Variants in CDH18 observed in about 807,000 individuals in gnomAD.
The protein encoded by CDH18 is cadherin-18.
CDH18 carries 31 observed loss-of-function variants against 67.9 expected under a neutral mutation model. The observed-to-expected ratio is 0.46, with a 90% confidence interval of 0.34 to 0.62. The LOEUF is 0.62. Ranked by LOEUF, CDH18 falls within the 20% of genes least tolerant of loss-of-function variation. CDH18 has a pLI of 0.01. For synonymous variants in CDH18, 362 were observed against 347.2 expected (o/e 1.04, Z -0.48); for missense variants, 890 against 975.5 (o/e 0.91, Z 1.17).
intron 1 of CDH18, among the ~76,000 whole-genome samples, chr5:20,356,749 CTCTCTA>C (rs1175786257): frequency 6.1e-4 from 79 of 129,170 alleles, no homozygotes; most frequent in African/African-American, 1.6e-3. Flanking sequence ...CTCTCTCTCT[CTCTCTA>C]TATATATATA....
At chr5:20,191,594 T>C (rs780592859) in intron 2 of CDH18, among the ~76,000 whole-genome samples, 8 of 152,098 alleles carry the variant, frequency 5.3e-5, no homozygotes, top group Non-Finnish European at 1.2e-4. Context: ...CCCCCACTTA[T>C]GAATGAGAAC....
intron 2 of CDH18, among the ~76,000 whole-genome samples, chr5:19,897,988 C>T (rs1006568236): frequency 2.0e-5 from 3 of 151,962 alleles, no homozygotes; most frequent in African/African-American, 4.8e-5. Context: ...GTCATTGAGT[C>T]GTACTTATGA....
chr5:20,124,477 ATTG>A (rs1432592968), intron 2 of CDH18, among the ~76,000 whole-genome samples: 1 of 152,146 alleles, frequency 6.6e-6, no homozygotes, highest in Non-Finnish European at 1.5e-5. Flanking sequence ...GAGAAATACA[ATTG>A]CTGTGAGGAT....
chr5:19,754,107 C>CAAA, intron 3 of CDH18, among the ~76,000 whole-genome samples: 1 of 151,824 alleles, frequency 6.6e-6, no homozygotes, highest in Non-Finnish European at 1.5e-5. Context: ...AAAAAACCCC[C>CAAA]AAAAAACCAA....
intron 1 of CDH18, among the ~76,000 whole-genome samples, chr5:20,405,522 G>C (rs1320921740): frequency 4.6e-5 from 7 of 152,040 alleles, no homozygotes; most frequent in African/African-American, 7.2e-5. Flanking sequence ...AGGACATAGG[G>C]ATGGGCAAGG....
chr5:20,324,857 T>C (rs1738402592), intron 1 of CDH18, among the ~76,000 whole-genome samples: 1 of 152,206 alleles, frequency 6.6e-6, no homozygotes, highest in South Asian at 2.1e-4. Context: ...GCATTACTTT[T>C]CTATGTGTAT....
intron 11 of CDH18, among the ~76,000 whole-genome samples, chr5:19,488,324 G>A (rs571348253): frequency 2.0e-5 from 3 of 152,188 alleles, no homozygotes; most frequent in African/African-American, 7.2e-5. Flanking sequence ...AGTTATATCA[G>A]CAAATTTCTT....
intron 2 of CDH18, among the ~76,000 whole-genome samples, chr5:20,008,808 C>T (rs1737154916): frequency 1.3e-5 from 2 of 152,026 alleles, no homozygotes; most frequent in Non-Finnish European, 2.9e-5. Context: ...GCCAATATGT[C>T]TAGAGCAATT....
chr5:19,839,712 A>G (rs1782060811), intron 2 of CDH18, among the ~76,000 whole-genome samples: 1 of 152,136 alleles, frequency 6.6e-6, no homozygotes, highest in Non-Finnish European at 1.5e-5. Flanking sequence ...TGGGGAACAG[A>G]TTGGTAAAGT....
chr5:20,111,333 A>G (rs1747440155), intron 2 of CDH18, among the ~76,000 whole-genome samples: 1 of 152,184 alleles, frequency 6.6e-6, no homozygotes, highest in East Asian at 1.9e-4. Flanking sequence ...GACACATCCA[A>G]TGATTTGCTG....
intron 11 of CDH18, among the ~76,000 whole-genome samples, chr5:19,485,626 T>C (rs1740274983): frequency 6.6e-6 from 1 of 152,122 alleles, no homozygotes; most frequent in Admixed American, 6.5e-5. Flanking sequence ...TATTATATAA[T>C]AATTTATCAG....
intron 9 of CDH18, among the ~76,000 whole-genome samples, chr5:19,523,748 T>C (rs1046850618): frequency 6.6e-6 from 1 of 152,140 alleles, no homozygotes; most frequent in African/African-American, 2.4e-5. Context: ...TTGTATATTC[T>C]CATGCTCTAG....
At position 19,475,239 on chromosome 5, in the gene CDH18, G is replaced by C. The variant is rs146634726; in HGVS notation, c.1883-1523C>G. 8.4e-4 allele frequency among the ~76,000 whole-genome samples: 121 copies of C among 144,062 alleles called. 1 individual carries two copies. In the Middle Eastern group the frequency reaches 0.014, roughly 17 times the overall value. 94.5% of individuals were successfully genotyped at this position (144,062 alleles called of 152,430 possible). A position where few individuals can be genotyped will look rare whatever the true frequency, so the allele number is the denominator to read the frequency against. On this transcript the variant is annotated intron_variant, in intron 12 of 12. Transcript: ENST00000382275. ...ACACATGCTTCTCAACCTACAGTAA[G>C]CTTACATTCTTATAAACCCATTTGA...
chr5:20,404,145 C>T (rs1440224856), intron 1 of CDH18, among the ~76,000 whole-genome samples: 7 of 152,272 alleles, frequency 4.6e-5, no homozygotes, highest in Middle Eastern at 3.4e-3. Context: ...AGTTGAAGAG[C>T]GTTTAAATCC....
At chr5:19,533,582 T>C (rs895876626) in intron 9 of CDH18, among the ~76,000 whole-genome samples, 1 of 152,134 alleles carries the variant, frequency 6.6e-6, no homozygotes, top group East Asian at 1.9e-4. Context: ...AGCATGTTTT[T>C]GAGGACAGGG....
intron 2 of CDH18, among the ~76,000 whole-genome samples, chr5:19,856,566 C>T (rs1183348987): frequency 1.3e-5 from 2 of 152,064 alleles, no homozygotes; most frequent in Non-Finnish European, 2.9e-5. Context: ...ATCTCCAGTA[C>T]CTCCGAATGT....
intron 2 of CDH18, among the ~76,000 whole-genome samples, chr5:19,941,322 C>T (rs777301739): frequency 2.0e-5 from 3 of 152,148 alleles, no homozygotes; most frequent in South Asian, 4.1e-4. Context: ...TCGTAAGCCA[C>T]TCAGTTCCTG....
intron 10 of CDH18, among the ~76,000 whole-genome samples, chr5:19,514,186 T>C (rs1467923582): frequency 6.6e-6 from 1 of 152,258 alleles, no homozygotes; most frequent in Non-Finnish European, 1.5e-5. Flanking sequence ...TCATCGTTTT[T>C]ATGGCTGCAT....
intron 2 of CDH18, among the ~76,000 whole-genome samples, chr5:19,995,271 A>G (rs1297442772): frequency 6.6e-6 from 1 of 152,122 alleles, no homozygotes; most frequent in African/African-American, 2.4e-5. Flanking sequence ...GCCTATTTCT[A>G]GGTTTCCTAG....
Sources: gnomAD v4.1 joint callset for allele counts (sites outside exome capture counted in the v4.1 genomes callset) on GRCh38, gnomAD v4.1.1 for gene constraint, MANE v1.5 for transcripts, NCBI Gene and HGNC (gene_info 2026-07-23, HGNC 2026-07-21) for gene names.